Variants in LEPR observed in about 807,000 individuals in gnomAD.
LEPR encodes OB receptor.
LEPR carries 56 observed loss-of-function variants against 114.7 expected under a neutral mutation model. That is an observed-to-expected ratio of 0.49 (90% CI 0.39 to 0.61). The LOEUF is 0.61. Among genes scored for constraint, LEPR ranks in the 20% least tolerant of loss-of-function variants. The probability of loss-of-function intolerance (pLI) is 0.00; values close to 1 mark genes in which losing one functional copy is unlikely to be tolerated. For synonymous variants in LEPR, 443 were observed against 461.4 expected (o/e 0.96, Z 0.51); for missense variants, 1,202 against 1,352.9 (o/e 0.89, Z 1.75).
intron 6 of LEPR, among the ~76,000 whole-genome samples, chr1:65,595,627 G>GAA (rs2100910420): frequency 1.3e-5 from 2 of 152,014 alleles, no homozygotes; most frequent in South Asian, 4.2e-4. Context: ...TATAGAATGT[G>GAA]AAAATTATCT....
intron 5 of LEPR, among the ~76,000 whole-genome samples, chr1:65,581,585 G>A (rs116331744): frequency 6.6e-6 from 1 of 151,992 alleles, no homozygotes; most frequent in African/African-American, 2.4e-5. Context: ...CATTAGATAT[G>A]ATAAAAGCCT....
intron 2 of LEPR, among the ~76,000 whole-genome samples, chr1:65,501,552 G>T (rs1267046056): frequency 6.6e-6 from 1 of 151,798 alleles, no homozygotes; most frequent in Non-Finnish European, 1.5e-5. Flanking sequence ...GATTACATCT[G>T]CATAGAGCCT....
At chr1:65,434,910 C>T in intron 2 of LEPR, 2 of 985,436 alleles carry the variant, frequency 2.0e-6, no homozygotes, top group Non-Finnish European at 2.4e-6. Flanking sequence ...CACACTTCAT[C>T]ACAGAAAGAA....
At chr1:65,591,038 T>C (rs1655661186) in intron 5 of LEPR, among the ~76,000 whole-genome samples, 2 of 152,130 alleles carry the variant, frequency 1.3e-5, no homozygotes, top group African/African-American at 4.8e-5. Flanking sequence ...TTAAAGAATA[T>C]GTTGTATTTT....
intron 2 of LEPR, among the ~76,000 whole-genome samples, chr1:65,442,892 C>T (rs1200958854): frequency 2.6e-5 from 4 of 152,076 alleles, no homozygotes; most frequent in Non-Finnish European, 5.9e-5. Flanking sequence ...AGACTGCACA[C>T]AGAGACCATA....
chr1:65,548,258 G>A (rs938292583), intron 2 of LEPR, among the ~76,000 whole-genome samples: 4 of 152,218 alleles, frequency 2.6e-5, no homozygotes, highest in African/African-American at 7.2e-5. Flanking sequence ...TAGGTGTGGT[G>A]TGGTGCTGAA....
rs267598692 is a variant in LEPR, at chr1:65,592,757, C to T, written c.595C>T (p.Pro199Ser). The T allele has an allele frequency of 8.1e-6, 13 of 1,613,166 alleles. No homozygotes were observed. Among genetic ancestry groups the T allele is most frequent in the African/African-American group, 4.0e-5 (3 of 74,828 alleles). ...SVHECCECLV[P>S]VPTAKLNDTL... is the part of the protein sequence containing the mutation. ...TCATGAATGTTGTGAATGTCTTGTG[C>T]CTGTGCCAACAGCCAAACTCAACGA... Residue 199 changes from proline to serine, a missense_variant, in exon 6 of 20, where the codon CCT (proline) becomes TCT (serine). Physicochemically the swap from Pro to Ser is moderately conservative, Grantham distance 74 (BLOSUM62 -1). Transcript: ENST00000349533.
At chr1:65,424,851 C>A (rs1426868175) in intron 1 of LEPR, among the ~76,000 whole-genome samples, 1 of 152,140 alleles carries the variant, frequency 6.6e-6, no homozygotes, top group Non-Finnish European at 1.5e-5. Context: ...CCCTCATGAC[C>A]TCATCTGAAC....
At chr1:65,621,490 CA>C (rs781554570) in intron 18 of LEPR, 32 bp downstream of exon 18, 7 of 1,576,954 alleles carry the variant, frequency 4.4e-6, no homozygotes, top group Non-Finnish European at 6.1e-6. Context: ...ATCTTTACGG[CA>C]AAAGTCCTTA....
intron 2 of LEPR, among the ~76,000 whole-genome samples, chr1:65,464,143 A>G (rs1646980836): frequency 6.6e-6 from 1 of 152,190 alleles, no homozygotes; most frequent in South Asian, 2.1e-4. Context: ...CCCATTCAGT[A>G]TGATACTGGC....
chr1:65,509,400 A>G (rs1648919893), intron 2 of LEPR, among the ~76,000 whole-genome samples: 1 of 152,142 alleles, frequency 6.6e-6, no homozygotes, highest in Non-Finnish European at 1.5e-5. Flanking sequence ...TCATGAAAGG[A>G]TGTTTAATTC....
chr1:65,548,165 C>A (rs9728077), intron 2 of LEPR, among the ~76,000 whole-genome samples: 99,355 of 151,852 alleles, frequency 0.65, 33,608 homozygotes, highest in Middle Eastern at 0.77. Context: ...GCACTGTGGT[C>A]TGAGAGACAG....
chr1:65,546,851 T>C (rs1381119991), intron 2 of LEPR, among the ~76,000 whole-genome samples: 2 of 152,136 alleles, frequency 1.3e-5, no homozygotes, highest in Non-Finnish European at 2.9e-5. Context: ...CTATGTTGAA[T>C]AGGAGTGGTG....
intron 11 of LEPR, 144 bp downstream of exon 11, chr1:65,605,381 A>G (rs1656744083): frequency 9.7e-7 from 1 of 1,030,144 alleles, no homozygotes; most frequent in Admixed American, 2.0e-5. Context: ...TATTGAGAAA[A>G]TCAGCCTTAG....
At chr1:65,618,312 C>CCTCTTCTCTTCTCTT (rs58102309) in intron 16 of LEPR, among the ~76,000 whole-genome samples, 166 bp downstream of exon 16, 70 of 150,270 alleles carry the variant, frequency 4.7e-4, no homozygotes, top group African/African-American at 1.4e-3. Context: ...TAATTCTCTT[C>CCTCTTCTCTTCTCTT]CTCTTCTCTT....
At chr1:65,505,271 A>G (rs1648664841) in intron 2 of LEPR, among the ~76,000 whole-genome samples, 1 of 152,222 alleles carries the variant, frequency 6.6e-6, no homozygotes, top group South Asian at 2.1e-4. Context: ...TGACAAATGT[A>G]TCAAGCATAT....
At chr1:65,430,442 G>C (rs1646464310) in intron 2 of LEPR, 1 of 155,866 alleles carries the variant, frequency 6.4e-6, no homozygotes, top group African/African-American at 2.4e-5. Context: ...TCTCAACTCA[G>C]TATAATAGGT....
intron 2 of LEPR, among the ~76,000 whole-genome samples, chr1:65,492,953 A>G (rs1463038485): frequency 6.6e-6 from 1 of 152,000 alleles, no homozygotes; most frequent in Non-Finnish European, 1.5e-5. Context: ...TGCCCCTATC[A>G]ACCCATCAGC....
chr1:65,547,628 G>A (rs1447199565), intron 2 of LEPR, among the ~76,000 whole-genome samples: 1 of 151,200 alleles, frequency 6.6e-6, no homozygotes, highest in Non-Finnish European at 1.5e-5. Flanking sequence ...ATGGTAGTTT[G>A]TATTTCTGTG....
Sources: allele counts gnomAD v4.1 joint callset (sites outside exome capture counted in the v4.1 genomes callset), GRCh38; gene constraint gnomAD v4.1.1; transcripts MANE v1.5; gene names NCBI Gene and HGNC (gene_info 2026-07-23, HGNC 2026-07-21).